The following CNTN1 variants were observed in gnomAD, a reference collection of about 807,000 sequenced individuals.
CNTN1 encodes the protein contactin-1.
A neutral mutation model predicts 126.4 loss-of-function variants in CNTN1; 38 were observed. That is an observed-to-expected ratio of 0.30 (90% CI 0.23 to 0.39). The LOEUF is 0.39. CNTN1 is among the 10% of genes least tolerant of loss of function. The pLI, the probability that CNTN1 is intolerant of heterozygous loss-of-function variation, is 1.00. For synonymous variants in CNTN1, 413 were observed against 422.6 expected (o/e 0.98, Z 0.28); for missense variants, 1,009 against 1,248.4 (o/e 0.81, Z 2.89).
chr12:40,918,747 G>A lies in CNTN1; in HGVS notation c.203G>A (p.Arg68Gln), dbSNP rs2136857338. The A allele has an allele frequency of 3.7e-6, 6 of 1,613,680 alleles. No homozygotes were observed. Among genetic ancestry groups the A allele is most frequent in the African/African-American group, 1.3e-5 (1 of 75,024 alleles). ...AAAGTCTCACTCAACTGTAGGGCAC[G>A]AGCCAGCCCTTTCCCGGTTTACAAG... ...EGKVSLNCRA[R>Q]ASPFPVYKWR... Residue 68 changes from arginine to glutamine, a missense_variant, in exon 4 of 24, where the codon CGA (arginine) becomes CAA (glutamine). Transcript: ENST00000551295.
chr12:41,060,821 G>T (rs547153995), intron 23 of CNTN1, among the ~76,000 whole-genome samples: 6 of 152,106 alleles, frequency 3.9e-5, no homozygotes, highest in African/African-American at 4.8e-5. Flanking sequence ...AGATACCAAG[G>T]TCTGAGTCTC....
chr12:41,010,555 C>T (rs1592398205), intron 17 of CNTN1, among the ~76,000 whole-genome samples: 1 of 152,170 alleles, frequency 6.6e-6, no homozygotes, highest in African/African-American at 2.4e-5. Context: ...GGAGGTTCTC[C>T]AAGATGCTAT....
At chr12:40,725,265 G>A (rs1942320754) in intron 1 of CNTN1, among the ~76,000 whole-genome samples, 1 of 151,942 alleles carries the variant, frequency 6.6e-6, no homozygotes, top group Non-Finnish European at 1.5e-5. Context: ...GCAGGGTGTG[G>A]TGGTGCATGC....
In CNTN1 at chr12:40,794,409, C is replaced by A. The variant is rs17541461; in HGVS notation, c.-77+101817C>A. 9.8e-3 allele frequency among the ~76,000 whole-genome samples: 1,486 copies of A among 151,036 alleles called. 18 individuals carry two copies. Among genetic ancestry groups the A allele is most frequent in the Middle Eastern group, 0.024 (7 of 290 alleles). On this transcript the variant is annotated intron_variant, in intron 1 of 23. Coordinates refer to ENST00000551295, the MANE Select transcript of CNTN1 (RefSeq NM_001843.4). ...GCCCAAGTTCCTGCTGTTTTATAGC[C>A]TGCCCCTTGAATTTAATAATGAATA...
chr12:40,843,428 T>C (rs1942368917), intron 1 of CNTN1, among the ~76,000 whole-genome samples: 1 of 152,192 alleles, frequency 6.6e-6, no homozygotes, highest in African/African-American at 2.4e-5. Context: ...AATTAAAATA[T>C]TTTAAATTAT....
chr12:40,906,882 T>C (rs558131923), intron 1 of CNTN1, among the ~76,000 whole-genome samples: 1 of 152,140 alleles, frequency 6.6e-6, no homozygotes, highest in East Asian at 1.9e-4. Context: ...TTCACCATGT[T>C]GGTCAGGCTG....
intron 23 of CNTN1, among the ~76,000 whole-genome samples, chr12:41,069,560 A>T (rs555092164): frequency 6.6e-6 from 1 of 152,072 alleles, no homozygotes; most frequent in East Asian, 1.9e-4. Flanking sequence ...AGCATTAGGT[A>T]TATCTCCTAA....
chr12:40,957,889 G>C (rs528907190), intron 14 of CNTN1, among the ~76,000 whole-genome samples: 40 of 151,994 alleles, frequency 2.6e-4, no homozygotes, highest in African/African-American at 9.4e-4. Flanking sequence ...ATCCAGCAAG[G>C]GTTGCAAACC....
chr12:40,765,517 A>G (rs1415360670), intron 1 of CNTN1, among the ~76,000 whole-genome samples: 6 of 152,208 alleles, frequency 3.9e-5, no homozygotes, highest in Non-Finnish European at 2.9e-5. Flanking sequence ...AAAGGAGAAC[A>G]AGAATGAGTC....
At chr12:40,724,088 T>C (rs544857828) in intron 1 of CNTN1, among the ~76,000 whole-genome samples, 2 of 152,308 alleles carry the variant, frequency 1.3e-5, no homozygotes, top group Admixed American at 1.3e-4. Flanking sequence ...TTCATTATTA[T>C]ATATTCATTA....
chr12:40,795,351 T>C (rs1940387916), intron 1 of CNTN1, among the ~76,000 whole-genome samples: 1 of 142,970 alleles, frequency 7.0e-6, no homozygotes, highest in South Asian at 2.2e-4. Context: ...AAAGTCTCGC[T>C]CTGTCGCCAG....
At chr12:40,835,303 A>G (rs1942007213) in intron 1 of CNTN1, among the ~76,000 whole-genome samples, 1 of 152,170 alleles carries the variant, frequency 6.6e-6, no homozygotes, top group South Asian at 2.1e-4. Context: ...TTTTTAAATG[A>G]CAGCTGTCAT....
chr12:40,898,779 G>C (rs1389100348), intron 1 of CNTN1, among the ~76,000 whole-genome samples: 2 of 152,204 alleles, frequency 1.3e-5, no homozygotes, highest in Non-Finnish European at 2.9e-5. Context: ...TCTCCCTTCA[G>C]GGGTGGTCTC....
chr12:40,933,968 A>C lies in CNTN1; in HGVS notation c.985+90A>C, dbSNP rs1592280010. ...ATGAAAAACTACTATATAATGATTAATGGTTTTAAAAACAGTGATGCATGT... is the reference window on the plus strand; with the variant it reads ...ATGAAAAACTACTATATAATGATTACTGGTTTTAAAAACAGTGATGCATGT... On this transcript the variant is annotated intron_variant, in intron 9 of 23. Transcript: ENST00000551295. 1.5e-5 allele frequency: 15 copies of C among 996,388 alleles called. No individual in the cohort carries two copies. In the East Asian group the frequency reaches 3.6e-4, roughly 24 times the overall value. 61.7% of individuals were successfully genotyped at this position (996,388 alleles called of 1,614,324 possible). A position where few individuals can be genotyped will look rare whatever the true frequency, so the allele number is the denominator to read the frequency against.
At chr12:40,939,629 C>A in intron 12 of CNTN1, 144 bp downstream of exon 12, 1 of 795,016 alleles carries the variant, frequency 1.3e-6, no homozygotes, top group Non-Finnish European at 2.1e-6. Flanking sequence ...CTAAGATGGA[C>A]AGAAATACCT....
At chr12:40,840,149 A>G (rs1358210784) in intron 1 of CNTN1, among the ~76,000 whole-genome samples, 4 of 152,112 alleles carry the variant, frequency 2.6e-5, no homozygotes, top group African/African-American at 9.6e-5. Flanking sequence ...AGGAATGGAA[A>G]AAGATATTCC....
At chr12:40,752,073 TTTA>T (rs1938424575) in intron 1 of CNTN1, among the ~76,000 whole-genome samples, 1 of 152,120 alleles carries the variant, frequency 6.6e-6, no homozygotes, top group South Asian at 2.1e-4. Context: ...TACAAAACAT[TTTA>T]TTAAGTTTTT....
chr12:40,867,908 T>A (rs1295419392), intron 1 of CNTN1, among the ~76,000 whole-genome samples: 2 of 150,832 alleles, frequency 1.3e-5, no homozygotes, highest in Non-Finnish European at 3.0e-5. Context: ...ATTATTATTA[T>A]TTTGTTGATA....
At chr12:40,971,801 T>C (rs1030472607) in intron 15 of CNTN1, 1 of 1,177,834 alleles carries the variant, frequency 8.5e-7, no homozygotes, top group Non-Finnish European at 1.1e-6. Context: ...TTCTTTGAAA[T>C]TATATAGCCC....
Sources: gnomAD v4.1 joint callset for allele counts (sites outside exome capture counted in the v4.1 genomes callset) on GRCh38, gnomAD v4.1.1 for gene constraint, MANE v1.5 for transcripts, NCBI Gene and HGNC (gene_info 2026-07-23, HGNC 2026-07-21) for gene names.